The following PRKAR2A variants were observed in gnomAD, a reference collection of about 807,000 sequenced individuals.
The protein encoded by PRKAR2A is cAMP-dependent protein kinase type II-alpha regulatory subunit.
In PRKAR2A, 29 loss-of-function variants were observed where a neutral mutation model predicts 51.9. The observed-to-expected ratio is 0.56, with a 90% CI of 0.42 to 0.76. PRKAR2A has a LOEUF of 0.76. Ranked by LOEUF, PRKAR2A falls within the 30% of genes least tolerant of loss-of-function variation. The probability of loss-of-function intolerance (pLI) is 0.00; values close to 1 mark genes in which losing one functional copy is unlikely to be tolerated. For synonymous variants in PRKAR2A, 178 were observed against 186.2 expected (o/e 0.96, Z 0.36); for missense variants, 445 against 512.1 (o/e 0.87, Z 1.26).
chr3:48,779,840 T>G (rs1269110019), intron 5 of PRKAR2A, among the ~76,000 whole-genome samples: 1 of 149,358 alleles, frequency 6.7e-6, no homozygotes, highest in Non-Finnish European at 1.5e-5. Context: ...AAATATATAG[T>G]TTTGTATTAT....
chr3:48,770,954 G>A (rs1437724298), intron 6 of PRKAR2A, among the ~76,000 whole-genome samples: 1 of 152,118 alleles, frequency 6.6e-6, no homozygotes. Flanking sequence ...GGCCGGGTGC[G>A]GTGGCTCTTG....
chr3:48,745,928 G>A (rs1447227077), downstream of PRKAR2A, among the ~76,000 whole-genome samples: 1 of 152,114 alleles, frequency 6.6e-6, no homozygotes, highest in Non-Finnish European at 1.5e-5. Context: ...TCGAAGGCGT[G>A]AATAGAACAA....
chr3:48,761,230 C>T (rs1027201865), intron 8 of PRKAR2A, among the ~76,000 whole-genome samples: 3 of 151,366 alleles, frequency 2.0e-5, no homozygotes, highest in Non-Finnish European at 2.9e-5. Flanking sequence ...TGCAGTGAGC[C>T]GAGATCACAC....
At chr3:48,824,831 A>G (rs1218407095) in intron 1 of PRKAR2A, among the ~76,000 whole-genome samples, 2 of 151,614 alleles carry the variant, frequency 1.3e-5, no homozygotes, top group African/African-American at 4.8e-5. Flanking sequence ...CTGTAATCCC[A>G]GGTACTCAGG....
intron 8 of PRKAR2A, among the ~76,000 whole-genome samples, chr3:48,756,792 C>T (rs557557373): frequency 6.6e-6 from 1 of 152,328 alleles, no homozygotes; most frequent in East Asian, 1.9e-4. Context: ...TACTCATGCA[C>T]TCTCACTCTG....
intron 2 of PRKAR2A, among the ~76,000 whole-genome samples, chr3:48,802,089 A>G (rs2082599334): frequency 6.6e-6 from 1 of 152,054 alleles, no homozygotes; most frequent in South Asian, 2.1e-4. Context: ...TTGTATTTTT[A>G]GTAGAGATGG....
chr3:48,775,192 G>C (rs2082087531), intron 5 of PRKAR2A, among the ~76,000 whole-genome samples: 1 of 151,834 alleles, frequency 6.6e-6, no homozygotes, highest in Non-Finnish European at 1.5e-5. Flanking sequence ...TAATCCCAGC[G>C]CTTTGGGAGG....
chr3:48,834,902 C>T (rs1409900317), intron 1 of PRKAR2A, among the ~76,000 whole-genome samples: 1 of 150,422 alleles, frequency 6.6e-6, no homozygotes, highest in African/African-American at 2.4e-5. Context: ...AAAAAACATA[C>T]AAATGGGGGC....
At chr3:48,782,170 G>C (rs2082207841) in intron 5 of PRKAR2A, among the ~76,000 whole-genome samples, 1 of 152,150 alleles carries the variant, frequency 6.6e-6, no homozygotes, top group Non-Finnish European at 1.5e-5. Context: ...ACTGCCACCA[G>C]CCAGAGGATA....
intron 1 of PRKAR2A, among the ~76,000 whole-genome samples, chr3:48,807,933 C>T (rs2082699587): frequency 6.6e-6 from 1 of 152,152 alleles, no homozygotes; most frequent in African/African-American, 2.4e-5. Context: ...AATTTTATTT[C>T]TGCCCACATC....
chr3:48,762,835 C>T (rs150831268), intron 8 of PRKAR2A, among the ~76,000 whole-genome samples: 1 of 152,114 alleles, frequency 6.6e-6, no homozygotes, highest in East Asian at 1.9e-4. Context: ...CTGATACATA[C>T]AACACGAATA....
chr3:48,826,402 T>A (rs9311433), intron 1 of PRKAR2A, among the ~76,000 whole-genome samples: 1 of 151,962 alleles, frequency 6.6e-6, no homozygotes, highest in South Asian at 2.1e-4. Flanking sequence ...TGAAGAGACA[T>A]ACGGCAAGGT....
Position 48,770,542 on chromosome 3 carries a change from T to C in PRKAR2A, c.696+2413A>G, listed in dbSNP as rs374395166. ...GAGGACCTTCTGTGAGTTACTTTCC[T>C]AGAGGTGGTATTGAAGCTTTGGAAG... On this transcript the variant is annotated intron_variant, in intron 6 of 10. Coordinates refer to ENST00000265563, the MANE Select transcript of PRKAR2A (RefSeq NM_004157.4). 1.2e-4 allele frequency among the ~76,000 whole-genome samples: 18 copies of C among 152,228 alleles called. No individual in the cohort carries two copies. In the East Asian group the frequency reaches 2.9e-3, roughly 24 times the overall value.
intron 1 of PRKAR2A, among the ~76,000 whole-genome samples, chr3:48,824,690 T>C (rs1415450405): frequency 6.6e-6 from 1 of 152,126 alleles, no homozygotes; most frequent in Non-Finnish European, 1.5e-5. Flanking sequence ...CACGCCCATG[T>C]AATCCTAACA....
intron 5 of PRKAR2A, among the ~76,000 whole-genome samples, chr3:48,779,332 C>A (rs2082154972): frequency 6.6e-6 from 1 of 152,078 alleles, no homozygotes; most frequent in Non-Finnish European, 1.5e-5. Context: ...TCCTTCTGTA[C>A]AAAGGCATTT....
chr3:48,837,809 A>G (rs1430299167), intron 1 of PRKAR2A, among the ~76,000 whole-genome samples: 2 of 152,164 alleles, frequency 1.3e-5, no homozygotes, highest in Non-Finnish European at 2.9e-5. Context: ...AAAAAGGAAA[A>G]AAAAAAAAAA....
At position 48,776,036 on chromosome 3, in the gene PRKAR2A, G is replaced by A. The variant is rs113468898; in HGVS notation, c.543-2928C>T. The stretch of plus-strand genomic sequence containing the variant: ...GCAGGAGAATCACTTGAAACCAGGA[G>A]GTGGAGGTTGCAGTGAGCCAAGATC... On this transcript the variant is annotated intron_variant, in intron 5 of 10. Transcript: ENST00000265563. Among the ~76,000 whole-genome samples, 183 of 152,232 alleles carry A rather than the reference G, an allele frequency of 1.2e-3. 1 individual carries two copies. The highest frequency in any genetic ancestry group is 3.3e-3 in the South Asian group (16 of 4,818).
At chr3:48,769,421 T>G (rs2081992660) in intron 6 of PRKAR2A, among the ~76,000 whole-genome samples, 1 of 151,536 alleles carries the variant, frequency 6.6e-6, no homozygotes, top group South Asian at 2.1e-4. Flanking sequence ...CCTCCCAAAG[T>G]GCTGGTATTA....
At chr3:48,793,944 G>T (rs2082435701) in intron 3 of PRKAR2A, 53 bp downstream of exon 3, 1 of 1,339,054 alleles carries the variant, frequency 7.5e-7, no homozygotes, top group Admixed American at 1.8e-5. Context: ...TAGAGAAGGG[G>T]AGTTAATGAG....
Sources: gnomAD v4.1 joint callset for allele counts (sites outside exome capture counted in the v4.1 genomes callset) on GRCh38, gnomAD v4.1.1 for gene constraint, MANE v1.5 for transcripts, NCBI Gene and HGNC (gene_info 2026-07-23, HGNC 2026-07-21) for gene names.